Variants in ZNF821 observed in about 807,000 individuals in gnomAD.
ZNF821 encodes the protein zinc finger protein 821.
Under a neutral mutation model 44.3 loss-of-function variants are expected in ZNF821, and 16 were observed. The ratio of observed to expected loss-of-function variants is 0.36; its 90% confidence interval spans 0.24 to 0.55. The LOEUF is 0.55. Ranked by LOEUF, ZNF821 falls within the 20% of genes least tolerant of loss-of-function variation. ZNF821 has a pLI of 0.86. For synonymous variants in ZNF821, 204 were observed against 197.6 expected (o/e 1.03, Z -0.27); for missense variants, 436 against 547.6 (o/e 0.80, Z 2.03).
chr16:71,872,219 A>C (rs1038385586), intron 3 of ZNF821, among the ~76,000 whole-genome samples: 1 of 152,182 alleles, frequency 6.6e-6, no homozygotes, highest in African/African-American at 2.4e-5. Flanking sequence ...AGTTATTAGA[A>C]AGGTAAAGAT....
chr16:71,887,259 CTTTTTTTT>C (rs60449301), upstream of ZNF821, among the ~76,000 whole-genome samples: 1 of 124,880 alleles, frequency 8.0e-6, no homozygotes, highest in Non-Finnish European at 1.6e-5. Context: ...TATATTCAAC[CTTTTTTTT>C]TTTTTTTTTT....
chr16:71,861,799 G>A lies in ZNF821; in HGVS notation c.561C>T (p.Phe187=), dbSNP rs756400393. 1 of 1,614,126 alleles carries A rather than the reference G, an allele frequency of 6.2e-7. No homozygotes were observed. Among genetic ancestry groups the A allele is most frequent in the Non-Finnish European group, 8.5e-7 (1 of 1,180,040 alleles). The change falls in exon 7 of 8, where the codon TTC becomes TTT. Residue 187 remains phenylalanine (F), a synonymous_variant. Transcript: ENST00000425432. ...ACCTGTTAAAAGTGGCATGGCTGGT[G>A]AACCGGGCTCCACACACAGCACAGT... is the stretch of plus-strand genomic sequence containing the variant. ...RSNCAVCGAR[F]TSHATFNSEK... is the part of the protein sequence containing the mutation.
chr16:71,868,078 C>G (rs1473429218), intron 3 of ZNF821, 41 bp from the exon 4 acceptor site: 3 of 1,522,060 alleles, frequency 2.0e-6, no homozygotes, highest in Non-Finnish European at 2.6e-6. Context: ...ACCAGCTGGG[C>G]AGCATATCCC....
chr16:71,870,012 T>G (rs1003027034), intron 3 of ZNF821, among the ~76,000 whole-genome samples: 3 of 152,220 alleles, frequency 2.0e-5, no homozygotes, highest in Non-Finnish European at 4.4e-5. Context: ...ATGGTTTTGC[T>G]GAAAACAAAC....
upstream of ZNF821, chr16:71,884,623 G>C (rs972737172): frequency 1.3e-5 from 2 of 152,208 alleles, no homozygotes; most frequent in Non-Finnish European, 2.9e-5. Context: ...CACGCTTCGC[G>C]GTGGCTTCGG....
Position 71,867,794 on chromosome 16 carries a change from C to G in ZNF821, c.166+118G>C, listed in dbSNP as rs558395091. The G allele has an allele frequency of 8.6e-5, 117 of 1,354,828 alleles. No homozygotes were observed. The Admixed American group carries it at 1.7e-3, about 20-fold the overall frequency. 83.9% of individuals were successfully genotyped at this position (1,354,828 alleles called of 1,614,324 possible). A position where few individuals can be genotyped will look rare whatever the true frequency, so the allele number is the denominator to read the frequency against. On this transcript the variant is annotated intron_variant, in intron 4 of 7. Coordinates refer to ENST00000425432, the MANE Select transcript of ZNF821 (RefSeq NM_001201552.2). ...ACCACCTTTGGGGACACTGAGGATC[C>G]ACATATCTCCTTTTTCATGTCTTTC...
At chr16:71,895,061 G>C (rs1384224453) in exon 1 of ZNF821, 2 of 459,536 alleles carry the variant, frequency 4.4e-6, no homozygotes, top group Non-Finnish European at 3.9e-6. Flanking sequence ...GAAGAGTCAG[G>C]GATACGCAGG....
intron 1 of ZNF821, among the ~76,000 whole-genome samples, chr16:71,893,657 C>T (rs575818841): frequency 1.9e-4 from 28 of 151,154 alleles, no homozygotes; most frequent in African/African-American, 6.6e-4. Flanking sequence ...GACGGTTTCA[C>T]CATGTTGGCC....
intron 1 of ZNF821, among the ~76,000 whole-genome samples, chr16:71,891,220 C>A (rs1438254253): frequency 6.6e-6 from 1 of 152,164 alleles, no homozygotes; most frequent in African/African-American, 2.4e-5. Flanking sequence ...GTTTTAGTTA[C>A]AGCTACTAGT....
intron 3 of ZNF821, among the ~76,000 whole-genome samples, chr16:71,872,200 T>C (rs2035277613): frequency 6.6e-6 from 1 of 152,126 alleles, no homozygotes; most frequent in African/African-American, 2.4e-5. Flanking sequence ...ATGAGAGGAA[T>C]GAGATGAAAG....
intron 3 of ZNF821, among the ~76,000 whole-genome samples, chr16:71,875,614 C>T (rs534700925): frequency 1.3e-5 from 2 of 152,046 alleles, no homozygotes; most frequent in African/African-American, 4.8e-5. Flanking sequence ...CCACCACGCC[C>T]GGCTAATTTT....
At chr16:71,873,195 G>T (rs1178913272) in intron 3 of ZNF821, among the ~76,000 whole-genome samples, 3 of 152,074 alleles carry the variant, frequency 2.0e-5, no homozygotes, top group Non-Finnish European at 2.9e-5. Context: ...GGTGATGAAC[G>T]CAAGTAATCC....
At chr16:71,862,756 G>A (rs1232323716) in intron 6 of ZNF821, among the ~76,000 whole-genome samples, 1 of 152,148 alleles carries the variant, frequency 6.6e-6, no homozygotes, top group African/African-American at 2.4e-5. Context: ...TACAGCCCAG[G>A]CTGCCATGTG....
chr16:71,877,917 C>A (rs2035999517), intron 3 of ZNF821, among the ~76,000 whole-genome samples: 1 of 144,800 alleles, frequency 6.9e-6, no homozygotes, highest in South Asian at 2.1e-4. Context: ...AACACCTCAT[C>A]TCAAAAAAAA....
At chr16:71,868,089 C>T (rs2034754275) in intron 3 of ZNF821, 52 bp from the exon 4 acceptor site, 1 of 1,515,662 alleles carries the variant, frequency 6.6e-7, no homozygotes, top group Admixed American at 2.0e-5. Context: ...AGCATATCCC[C>T]AGGCAAGCTG....
chr16:71,864,021 A>G, intron 6 of ZNF821, 117 bp downstream of exon 6: 1 of 874,674 alleles, frequency 1.1e-6, no homozygotes. Context: ...TCTTAATAGA[A>G]GTGACAACCC....
intron 1 of ZNF821, chr16:71,894,863 C>T: frequency 1.3e-6 from 2 of 1,530,432 alleles, no homozygotes; most frequent in Non-Finnish European, 1.8e-6. Flanking sequence ...ACAAAGGTAA[C>T]CAAGGAAAAA....
exon 1 of ZNF821, chr16:71,895,218 G>A (rs1243013440): frequency 4.0e-5 from 7 of 176,330 alleles, no homozygotes; most frequent in Non-Finnish European, 7.3e-5. Context: ...GGCGCGGTGA[G>A]GCCGTGGGCG....
At chr16:71,883,462 G>A (rs889261578) in intron 1 of ZNF821, 189 bp from the exon 2 acceptor site, 1 of 336,636 alleles carries the variant, frequency 3.0e-6, no homozygotes, top group Admixed American at 3.9e-5. Context: ...CTTCCGAGGC[G>A]GCTCAGACAA....
Sources: allele counts gnomAD v4.1 joint callset (sites outside exome capture counted in the v4.1 genomes callset), GRCh38; gene constraint gnomAD v4.1.1; transcripts MANE v1.5; gene names NCBI Gene and HGNC (gene_info 2026-07-23, HGNC 2026-07-21).